TTPA: variants seen among roughly 807,000 people sequenced by gnomAD.
TTPA encodes the protein alpha tocopherol transfer protein.
TTPA carries 23 observed loss-of-function variants against 25.9 expected under a neutral mutation model. The observed-to-expected ratio is 0.89, with a 90% CI of 0.64 to 1.26. The LOEUF (loss-of-function observed/expected upper bound fraction) is 1.26, where lower values mean the gene tolerates loss of function less well. Among genes scored for constraint, TTPA ranks in the 50% most tolerant of loss-of-function variants. The pLI, the probability that TTPA is intolerant of heterozygous loss-of-function variation, is 0.00. For missense variants in TTPA, 337 were observed against 353.1 expected (o/e 0.95, Z 0.37); for synonymous variants, 148 against 137.3 (o/e 1.08, Z -0.54).
intron 1 of TTPA, among the ~76,000 whole-genome samples, chr8:63,084,122 T>C (rs916833924): frequency 5.3e-5 from 8 of 152,060 alleles, no homozygotes; most frequent in Admixed American, 3.9e-4. Context: ...CTGAGCTCAA[T>C]TGATCCACCA....
In TTPA at chr8:63,066,121, A is replaced by G. The variant is rs780098228; in HGVS notation, c.359-24T>C. The G allele has an allele frequency of 3.0e-5, 48 of 1,602,818 alleles. No individual in the cohort carries two copies. The South Asian group carries it at 4.0e-4, about 13-fold the overall frequency. On this transcript the variant is annotated intron_variant, in intron 2 of 4. Transcript: ENST00000260116. ...TGCTAAAAAAAATAAAGCATATCAT[A>G]TCTTAGCATTGTGTAAAAAATCAGA...
At chr8:63,063,555 A>G (rs1341641837) in intron 4 of TTPA, among the ~76,000 whole-genome samples, 2 of 152,214 alleles carry the variant, frequency 1.3e-5, no homozygotes, top group Non-Finnish European at 2.9e-5. Flanking sequence ...TAAAAGATAC[A>G]CAGTGAGAGA....
chr8:63,071,353 A>G (rs1267880563), intron 2 of TTPA, among the ~76,000 whole-genome samples: 1 of 152,248 alleles, frequency 6.6e-6, no homozygotes, highest in Non-Finnish European at 1.5e-5. Context: ...TATCTTATCT[A>G]TAAGCAGGCA....
chr8:63,061,446 T>G (rs1160942624), intron 4 of TTPA, 21 bp from the exon 5 acceptor site: 16 of 1,612,846 alleles, frequency 9.9e-6, no homozygotes, highest in Non-Finnish European at 1.4e-5. Context: ...CAAAACACTT[T>G]AGAAGGAAAC....
chr8:63,083,021 G>A (rs1003573069), intron 1 of TTPA, among the ~76,000 whole-genome samples: 1 of 152,136 alleles, frequency 6.6e-6, no homozygotes, highest in African/African-American at 2.4e-5. Context: ...AAATAAGAAT[G>A]CTTTTACACT....
chr8:63,079,520 G>A (rs910802142), intron 1 of TTPA, among the ~76,000 whole-genome samples: 4 of 152,106 alleles, frequency 2.6e-5, no homozygotes, highest in African/African-American at 9.7e-5. Flanking sequence ...AGCAGGGGTT[G>A]CAATCCTAGT....
chr8:63,077,444 ACACTTC>A (rs1805581387), intron 1 of TTPA, among the ~76,000 whole-genome samples: 1 of 152,198 alleles, frequency 6.6e-6, no homozygotes, highest in South Asian at 2.1e-4. Context: ...GAAAAACAGG[ACACTTC>A]CACCCAAATA....
At chr8:63,071,798 G>A (rs190088182) in intron 2 of TTPA, among the ~76,000 whole-genome samples, 5 of 152,224 alleles carry the variant, frequency 3.3e-5, no homozygotes, top group African/African-American at 1.2e-4. Context: ...CCAGGTAGCA[G>A]GCCCTCACCA....
intron 2 of TTPA, among the ~76,000 whole-genome samples, chr8:63,068,250 A>G (rs1413822541): frequency 6.6e-6 from 1 of 152,204 alleles, no homozygotes; most frequent in African/African-American, 2.4e-5. Flanking sequence ...ATAAAAAGAA[A>G]AGGCTGAGGC....
chr8:63,062,205 T>G (rs1805318467), intron 4 of TTPA, among the ~76,000 whole-genome samples: 1 of 151,492 alleles, frequency 6.6e-6, no homozygotes, highest in Non-Finnish European at 1.5e-5. Flanking sequence ...TTAAAAGAAT[T>G]AAAAAGTCAA....
rs1480345359 is a variant in TTPA at position 63,066,039 on chromosome 8, T to C, written c.417A>G (p.Thr139=). ...CTACCTCCTGTACAATAAGCTCGGA[T>C]GTGATTAGACTTACTCGAAATACGT... ...AYDVFRVSLI[T]SELIVQEVET... The change falls in exon 3 of 5, where the codon ACA becomes ACG. Residue 139 remains threonine, a synonymous_variant. Coordinates refer to ENST00000260116, the MANE Select transcript of TTPA (RefSeq NM_000370.3). 6.2e-7 allele frequency: 1 copy of C among 1,614,038 alleles called. No individual in the cohort carries two copies. Among genetic ancestry groups the C allele is most frequent in the South Asian group, 1.1e-5 (1 of 91,080 alleles).
intron 2 of TTPA, among the ~76,000 whole-genome samples, chr8:63,070,683 G>T (rs1001590052): frequency 1.3e-5 from 2 of 152,146 alleles, no homozygotes; most frequent in African/African-American, 4.8e-5. Context: ...CAGTGTTAAG[G>T]TATTTATGAT....
At chr8:63,084,552 A>C (rs1166177759) in intron 1 of TTPA, among the ~76,000 whole-genome samples, 2 of 152,256 alleles carry the variant, frequency 1.3e-5, no homozygotes, top group East Asian at 3.8e-4. Context: ...GATGTATACC[A>C]GTTGATATGG....
intron 4 of TTPA, 136 bp from the exon 5 acceptor site, chr8:63,061,561 G>A: frequency 1.4e-6 from 1 of 731,912 alleles, no homozygotes; most frequent in African/African-American, 1.8e-5. Context: ...TTATTCCTCT[G>A]GTTATGAATC....
downstream of TTPA, among the ~76,000 whole-genome samples, chr8:63,059,042 T>C (rs1425466415): frequency 5.6e-5 from 7 of 124,692 alleles, no homozygotes; most frequent in Non-Finnish European, 3.4e-5. Context: ...TTTTTTTTTT[T>C]TTTTTTTGAG....
rs748038814 is a variant in TTPA, at chr8:63,066,055, C to G, written c.401G>C (p.Arg134Pro). 1.9e-6 allele frequency: 3 copies of G among 1,612,532 alleles called. No individual in the cohort carries two copies. The highest frequency in any genetic ancestry group is 2.2e-5 in the South Asian group (2 of 91,000). ...PKVFTAYDVF[R>P]VSLITSELIV... ...AAGCTCGGATGTGATTAGACTTACTCGAAATACGTCATAAGCTGTAAAAAC... is the reference window on the plus strand; with the variant it reads ...AAGCTCGGATGTGATTAGACTTACTGGAAATACGTCATAAGCTGTAAAAAC... The change falls in exon 3 of 5, where the codon CGA becomes CCA. Residue 134 changes from arginine to proline, a missense_variant. By Grantham distance (103) the Arg-to-Pro change is moderately radical (BLOSUM62 -2). Coordinates refer to ENST00000260116, the MANE Select transcript of TTPA (RefSeq NM_000370.3).
chr8:63,072,906 G>GA lies in TTPA; in HGVS notation c.358+28dup, dbSNP rs760779083. ...AACACAACTGAACTGGAGGAGAGGAGAAAAAAAAAAGAGTTGTGTATGACT... is the reference window on the plus strand; with the variant it reads ...AACACAACTGAACTGGAGGAGAGGAGAAAAAAAAAAAGAGTTGTGTATGACT... On this transcript the variant is annotated intron_variant, in intron 2 of 4. Coordinates refer to ENST00000260116, the MANE Select transcript of TTPA (RefSeq NM_000370.3). 3,170 of 1,401,150 alleles carry GA rather than the reference G, an allele frequency of 2.3e-3. 2 individuals are homozygous for GA. The highest frequency in any genetic ancestry group is 9.1e-3 in the African/African-American group (626 of 68,882). The allele number at this position is 1,401,150 out of a possible 1,614,324, so 86.8% of individuals were successfully genotyped here.
chr8:63,063,892 G>C (rs1805346286), intron 4 of TTPA, among the ~76,000 whole-genome samples: 1 of 151,984 alleles, frequency 6.6e-6, no homozygotes, highest in Admixed American at 6.6e-5. Context: ...TTTAGGTATA[G>C]GTAATTCAAG....
chr8:63,067,766 C>T (rs1010805358), intron 2 of TTPA, among the ~76,000 whole-genome samples: 1 of 152,074 alleles, frequency 6.6e-6, no homozygotes, highest in Admixed American at 6.6e-5. Context: ...TGCTCCCCTC[C>T]CTCCCTCTCC....
Sources: allele counts gnomAD v4.1 joint callset (sites outside exome capture counted in the v4.1 genomes callset), GRCh38; gene constraint gnomAD v4.1.1; transcripts MANE v1.5; gene names NCBI Gene and HGNC (gene_info 2026-07-23, HGNC 2026-07-21).